The following DMRT1 variants were observed in gnomAD, a reference collection of about 807,000 sequenced individuals.
DMRT1 encodes doublesex and mab-3 related transcription factor 1, also known as doublesex- and mab-3-related transcription factor 1.
In DMRT1, 7 loss-of-function variants were observed where a neutral mutation model predicts 32.3. The observed-to-expected ratio is 0.22, with a 90% CI of 0.12 to 0.41. The LOEUF (loss-of-function observed/expected upper bound fraction) is 0.41, where lower values mean the gene tolerates loss of function less well. Among genes scored for constraint, DMRT1 ranks in the 10% least tolerant of loss-of-function variants. DMRT1 has a pLI of 1.00. For missense variants in DMRT1, 625 were observed against 500.5 expected, an observed-to-expected ratio of 1.25 and a Z score of -2.37; for synonymous variants, 278 against 206.1, an observed-to-expected ratio of 1.35 and a Z score of -2.99.
At chr9:866,166 A>AAAAC (rs928287401) in intron 2 of DMRT1, among the ~76,000 whole-genome samples, 2 of 148,662 alleles carry the variant, frequency 1.3e-5, no homozygotes, top group Non-Finnish European at 1.5e-5. Context: ...TCCATCTCAA[A>AAAAC]AAAAAAAAAA....
intron 2 of DMRT1, among the ~76,000 whole-genome samples, chr9:881,398 T>A (rs930791988): frequency 1.3e-5 from 2 of 152,218 alleles, no homozygotes; most frequent in African/African-American, 4.8e-5. Context: ...ACTTACTCCT[T>A]CACATCACTT....
At chr9:908,816 A>C (rs879345806) in intron 3 of DMRT1, among the ~76,000 whole-genome samples, 14 of 147,080 alleles carry the variant, frequency 9.5e-5, no homozygotes, top group Non-Finnish European at 1.8e-4. Context: ...CCTCCTCTCC[A>C]CTCCTCCCCC....
At chr9:874,155 A>G (rs775052406) in intron 2 of DMRT1, among the ~76,000 whole-genome samples, 17 of 152,194 alleles carry the variant, frequency 1.1e-4, no homozygotes, top group Non-Finnish European at 1.9e-4. Flanking sequence ...CCTCATGTGT[A>G]TGATTCTCTT....
At chr9:879,205 C>G (rs1816633664) in intron 2 of DMRT1, among the ~76,000 whole-genome samples, 1 of 152,072 alleles carries the variant, frequency 6.6e-6, no homozygotes, top group African/African-American at 2.4e-5. Flanking sequence ...CAGAATCTCT[C>G]TACAACCTTA....
chr9:961,529 T>A (rs976125031), intron 4 of DMRT1, among the ~76,000 whole-genome samples: 8 of 152,184 alleles, frequency 5.3e-5, no homozygotes, highest in Admixed American at 4.6e-4. Flanking sequence ...TTCACAGACA[T>A]TCTGGTGTTT....
At chr9:850,849 C>G (rs1419660156) in intron 2 of DMRT1, among the ~76,000 whole-genome samples, 2 of 151,754 alleles carry the variant, frequency 1.3e-5, no homozygotes, top group Non-Finnish European at 2.9e-5. Flanking sequence ...GCCAACATGG[C>G]GAAACCCCAT....
intron 4 of DMRT1, among the ~76,000 whole-genome samples, chr9:948,893 T>TA (rs1249442014): frequency 7.0e-6 from 1 of 142,598 alleles, no homozygotes; most frequent in Admixed American, 7.3e-5. Flanking sequence ...CTGTCTCTAC[T>TA]AAAAATACAA....
chr9:932,032 G>T (rs986917638), intron 4 of DMRT1, among the ~76,000 whole-genome samples: 1 of 152,068 alleles, frequency 6.6e-6, no homozygotes, highest in Non-Finnish European at 1.5e-5. Context: ...CCCACGTCAG[G>T]CCCTCATCTG....
In DMRT1 at chr9:841,895, C is replaced by A. The variant is rs777662116; in HGVS notation, c.57C>A (p.Ala19=). ...KPSTPSEAPH[A]PGVPPQGRAG... is the part of the protein sequence containing the mutation. ...CTACACCGTCGGAAGCCCCTCACGC[C>A]CCCGGGGTACCGCCGCAGGGCAGAG... The change falls in exon 1 of 5, where the codon GCC becomes GCA. Residue 19 remains alanine, a synonymous_variant. Coordinates refer to ENST00000382276, the MANE Select transcript of DMRT1 (RefSeq NM_021951.3). 6.5e-5 allele frequency: 104 copies of A among 1,611,764 alleles called. No homozygotes were observed. The Middle Eastern group carries it at 6.7e-4, about 10-fold the overall frequency.
chr9:966,531 A>G (rs1403087601), intron 4 of DMRT1, among the ~76,000 whole-genome samples: 3 of 152,170 alleles, frequency 2.0e-5, no homozygotes, highest in Non-Finnish European at 4.4e-5. Context: ...TCCTTCTTGG[A>G]TATTGAGGTA....
chr9:890,226 C>T (rs565083345), intron 2 of DMRT1, among the ~76,000 whole-genome samples: 11 of 151,278 alleles, frequency 7.3e-5, no homozygotes, highest in South Asian at 6.3e-4. Flanking sequence ...GGATTACAGG[C>T]GTGAGCCACC....
In DMRT1 at chr9:864,484, T is replaced by C. The variant is rs184954865; in HGVS notation, c.538+17341T>C. Among the ~76,000 whole-genome samples the C allele has an allele frequency of 4.0e-3, 564 of 139,366 alleles. 6 individuals are homozygous for C. Among genetic ancestry groups the C allele is most frequent in the African/African-American group, 0.014 (541 of 37,526 alleles). 91.4% of individuals were successfully genotyped at this position (139,366 alleles called of 152,430 possible). On this transcript the variant is annotated intron_variant, in intron 2 of 4. Coordinates refer to ENST00000382276, the MANE Select transcript of DMRT1 (RefSeq NM_021951.3). ...CTGAGATTACAGGCGTGAGCCACCA[T>C]GCCCAGCCAGTACTCTTTTTTTTTT...
intron 2 of DMRT1, among the ~76,000 whole-genome samples, chr9:864,864 A>G (rs1815907623): frequency 1.8e-5 from 1 of 55,290 alleles, no homozygotes; most frequent in Non-Finnish European, 3.6e-5. Flanking sequence ...TCAAGTTTTA[A>G]GCCAAAAGCT....
intron 2 of DMRT1, among the ~76,000 whole-genome samples, chr9:847,811 C>G (rs1339853651): frequency 3.9e-5 from 6 of 152,180 alleles, no homozygotes; most frequent in African/African-American, 1.4e-4. Context: ...GATATCGAAG[C>G]CCCTAGCCAC....
intron 2 of DMRT1, among the ~76,000 whole-genome samples, chr9:855,990 C>G (rs61161947): frequency 0.012 from 1,885 of 152,104 alleles, 38 homozygotes; most frequent in African/African-American, 0.042. Flanking sequence ...GATCTCGGCT[C>G]ACTGCAACCT....
In DMRT1 at chr9:847,130, C is replaced by T; in HGVS notation, c.525C>T (p.Thr175=). 3 of 1,613,006 alleles carry T rather than the reference C, an allele frequency of 1.9e-6. No homozygotes were observed. Among genetic ancestry groups the T allele is most frequent in the South Asian group, 2.2e-5 (2 of 91,016 alleles). Reference sequence around the variant, plus strand: ...AGCCACCGCCGGCCAGTGTCCCCACCACTGCAGCTTCAGGTAATCTGGAGG... The same window carrying T: ...AGCCACCGCCGGCCAGTGTCCCCACTACTGCAGCTTCAGGTAATCTGGAGG... ...TSQPPPASVP[T]TAASEGRMVI... is the part of the protein sequence containing the mutation. The change falls in exon 2 of 5, where the codon ACC becomes ACT. Residue 175 remains threonine, a synonymous_variant. Coordinates refer to ENST00000382276, the MANE Select transcript of DMRT1 (RefSeq NM_021951.3).
chr9:850,628 A>G (rs1222493340), intron 2 of DMRT1, among the ~76,000 whole-genome samples: 1 of 152,202 alleles, frequency 6.6e-6, no homozygotes, highest in African/African-American at 2.4e-5. Context: ...AATATAAAAT[A>G]TTTGCATAAT....
At chr9:936,291 C>T (rs920321249) in intron 4 of DMRT1, among the ~76,000 whole-genome samples, 1 of 152,098 alleles carries the variant, frequency 6.6e-6, no homozygotes, top group Non-Finnish European at 1.5e-5. Flanking sequence ...CTTGGTAGGA[C>T]ATAGATATTG....
At chr9:930,062 C>T (rs1245849154) in intron 4 of DMRT1, among the ~76,000 whole-genome samples, 1 of 152,174 alleles carries the variant, frequency 6.6e-6, no homozygotes, top group African/African-American at 2.4e-5. Context: ...AAGTCTTCCT[C>T]ATAAACCTAA....
Sources: allele counts gnomAD v4.1 joint callset (sites outside exome capture counted in the v4.1 genomes callset), GRCh38; gene constraint gnomAD v4.1.1; transcripts MANE v1.5; gene names NCBI Gene and HGNC (gene_info 2026-07-23, HGNC 2026-07-21).